The following AGPAT3 variants were observed in gnomAD, a reference collection of about 807,000 sequenced individuals.
AGPAT3 encodes 1-acylglycerol-3-phosphate O-acyltransferase 3.
Under a neutral mutation model 47.3 loss-of-function variants are expected in AGPAT3, and 5 were observed. The observed-to-expected ratio is 0.11, with a 90% confidence interval of 0.06 to 0.22. The LOEUF is 0.22. Ranked by LOEUF, AGPAT3 falls within the 10% of genes least tolerant of loss-of-function variation. AGPAT3 has a pLI of 1.00. For synonymous variants in AGPAT3, 212 were observed against 208.3 expected (o/e 1.02, Z -0.15); for missense variants, 315 against 493.0 (o/e 0.64, Z 3.42).
intron 2 of AGPAT3, among the ~76,000 whole-genome samples, chr21:43,940,980 C>T (rs892082372): frequency 6.6e-6 from 1 of 152,164 alleles, no homozygotes; most frequent in African/African-American, 2.4e-5. Flanking sequence ...CTCCAGTGCT[C>T]GTTGGTAAAA....
intron 1 of AGPAT3, among the ~76,000 whole-genome samples, chr21:43,869,132 A>G (rs1034297191): frequency 6.6e-6 from 1 of 152,258 alleles, no homozygotes; most frequent in Non-Finnish European, 1.5e-5. Context: ...ATAGAAACAG[A>G]TACATGCTGG....
intron 2 of AGPAT3, among the ~76,000 whole-genome samples, chr21:43,936,006 G>A (rs997320186): frequency 6.6e-6 from 1 of 152,258 alleles, no homozygotes; most frequent in Non-Finnish European, 1.5e-5. Flanking sequence ...CTGTTCCTAA[G>A]CAAGGCCTAG....
chr21:43,897,922 C>G (rs773807010), intron 1 of AGPAT3, among the ~76,000 whole-genome samples: 1 of 152,216 alleles, frequency 6.6e-6, no homozygotes, highest in Non-Finnish European at 1.5e-5. Context: ...GCAGATCACT[C>G]GAGGTCAGGA....
chr21:43,902,564 T>C (rs1246179364), intron 1 of AGPAT3, among the ~76,000 whole-genome samples: 1 of 152,232 alleles, frequency 6.6e-6, no homozygotes, highest in Non-Finnish European at 1.5e-5. Context: ...TGTGCCCTCA[T>C]ATGGCAGAGA....
chr21:43,901,595 C>T (rs1005090741), intron 1 of AGPAT3, among the ~76,000 whole-genome samples: 3 of 152,046 alleles, frequency 2.0e-5, no homozygotes, highest in African/African-American at 4.8e-5. Context: ...CCACCCTGGA[C>T]AACCCCATCT....
chr21:43,963,017 G>A (rs1171675543), intron 3 of AGPAT3, among the ~76,000 whole-genome samples: 2 of 152,020 alleles, frequency 1.3e-5, no homozygotes, highest in Non-Finnish European at 2.9e-5. Context: ...AATGAGAATG[G>A]GTACAGAACC....
intron 1 of AGPAT3, among the ~76,000 whole-genome samples, chr21:43,875,797 G>A (rs1213435826): frequency 2.6e-5 from 4 of 152,152 alleles, no homozygotes; most frequent in Non-Finnish European, 1.5e-5. Flanking sequence ...TAGTAGAGAC[G>A]GGGTTTCACC....
chr21:43,870,824 A>G (rs565156437), intron 1 of AGPAT3, among the ~76,000 whole-genome samples: 2 of 152,342 alleles, frequency 1.3e-5, no homozygotes, highest in East Asian at 3.9e-4. Flanking sequence ...AGATTCTGAC[A>G]GGGTCCAGCT....
intron 2 of AGPAT3, among the ~76,000 whole-genome samples, chr21:43,917,901 G>A (rs1216445911): frequency 2.7e-5 from 3 of 112,598 alleles, no homozygotes; most frequent in Non-Finnish European, 3.6e-5. Flanking sequence ...TAGGGGTTGC[G>A]GGTGTTGTGG....
intron 1 of AGPAT3, among the ~76,000 whole-genome samples, chr21:43,865,797 G>A (rs2123474073): frequency 6.6e-6 from 1 of 151,854 alleles, no homozygotes; most frequent in East Asian, 2.0e-4. Context: ...TGGACAGGAC[G>A]CGCCCGCCGC....
At chr21:43,923,474 C>G (rs771499161) in intron 2 of AGPAT3, among the ~76,000 whole-genome samples, 1 of 152,234 alleles carries the variant, frequency 6.6e-6, no homozygotes, top group Non-Finnish European at 1.5e-5. Context: ...GGCACCCACC[C>G]AGGCGCCCTC....
chr21:43,927,204 G>T (rs545445866), intron 2 of AGPAT3, among the ~76,000 whole-genome samples: 12 of 152,090 alleles, frequency 7.9e-5, no homozygotes, highest in Middle Eastern at 3.4e-3. Context: ...AATTTTTACA[G>T]CAAGGTGTAT....
intron 1 of AGPAT3, among the ~76,000 whole-genome samples, chr21:43,884,229 T>TCCTCTTC (rs1485578088): frequency 5.3e-5 from 8 of 151,410 alleles, no homozygotes; most frequent in Non-Finnish European, 1.2e-4. Context: ...CTTCCTCCTC[T>TCCTCTTC]CCTCTTCCCC....
chr21:43,937,516 C>T (rs368012907), intron 2 of AGPAT3, among the ~76,000 whole-genome samples: 4 of 152,212 alleles, frequency 2.6e-5, no homozygotes, highest in Admixed American at 2.0e-4. Context: ...CCAGCCATCA[C>T]AACTTGATAC....
At chr21:43,895,837 G>A (rs1019183607) in intron 1 of AGPAT3, among the ~76,000 whole-genome samples, 1 of 152,158 alleles carries the variant, frequency 6.6e-6, no homozygotes, top group Non-Finnish European at 1.5e-5. Flanking sequence ...CACAGTCTCG[G>A]CTCACTGCAA....
intron 7 of AGPAT3, among the ~76,000 whole-genome samples, chr21:43,972,639 C>T (rs1329959519): frequency 6.6e-6 from 1 of 152,156 alleles, no homozygotes; most frequent in African/African-American, 2.4e-5. Flanking sequence ...CTGTGGGTGC[C>T]GCCACCAATC....
At chr21:43,919,336 A>T (rs987625678) in intron 2 of AGPAT3, among the ~76,000 whole-genome samples, 1 of 152,094 alleles carries the variant, frequency 6.6e-6, no homozygotes, top group Non-Finnish European at 1.5e-5. Flanking sequence ...CCTGTCCATT[A>T]TATCACTCTA....
chr21:43,922,898 G>C lies in AGPAT3; in HGVS notation c.-49+18879G>C, dbSNP rs1460628649. 6.6e-6 allele frequency among the ~76,000 whole-genome samples: 1 copy of C among 152,236 alleles called. No homozygotes were observed. Among genetic ancestry groups the C allele is most frequent in the East Asian group, 1.9e-4 (1 of 5,190 alleles). ...GTGGTGGTGGCAGAGCCAGCCTGGG[G>C]TCTGGGCATGGGGCGCCTGTCCCCA... is the stretch of plus-strand genomic sequence containing the variant. On this transcript the variant is annotated intron_variant, in intron 2 of 9. Transcript: ENST00000291572. This position sits in a 1 kb window ranked among gnomAD's most constrained non-coding sequence, Gnocchi z 4.9.
At chr21:43,882,129 TG>T (rs1005336497) in intron 1 of AGPAT3, among the ~76,000 whole-genome samples, 4 of 152,366 alleles carry the variant, frequency 2.6e-5, no homozygotes, top group Admixed American at 2.6e-4. Context: ...GTCCCTCATC[TG>T]GGGGCCCTGT....
Sources: gnomAD v4.1 joint callset for allele counts (sites outside exome capture counted in the v4.1 genomes callset) on GRCh38, gnomAD v4.1.1 for gene constraint, Gnocchi (gnomAD v3.1) non-coding constraint, MANE v1.5 for transcripts, NCBI Gene and HGNC (gene_info 2026-07-23, HGNC 2026-07-21) for gene names.